EPHA4: variants seen among roughly 807,000 people sequenced by gnomAD.
The protein encoded by EPHA4 is ephrin type-A receptor 4.
A neutral mutation model predicts 108.3 loss-of-function variants in EPHA4; 19 were observed. The observed-to-expected ratio is 0.18, with a 90% CI of 0.12 to 0.26. EPHA4 has a LOEUF of 0.26. Ranked by LOEUF, EPHA4 falls within the 10% of genes least tolerant of loss-of-function variation. EPHA4 has a pLI of 1.00. For synonymous variants in EPHA4, 449 were observed against 455.5 expected (o/e 0.99, Z 0.18); for missense variants, 917 against 1,254.0 (o/e 0.73, Z 4.06).
chr2:221,539,812 G>A (rs1028340332), intron 3 of EPHA4, among the ~76,000 whole-genome samples: 1 of 152,184 alleles, frequency 6.6e-6, no homozygotes, highest in Non-Finnish European at 1.5e-5. Context: ...TACAATGAAG[G>A]CTGGAAGGGT....
In EPHA4 at chr2:221,548,362, C is replaced by CA. The variant is rs536224750; in HGVS notation, c.823+15368dup. Among the ~76,000 whole-genome samples, 1,247 of 137,318 alleles carry CA rather than the reference C, an allele frequency of 9.1e-3. 16 individuals carry two copies. Among genetic ancestry groups the CA allele is most frequent in the African/African-American group, 0.027 (995 of 37,404 alleles). The allele number at this position is 137,318 out of a possible 152,430, so 90.1% of individuals were successfully genotyped here. ...CTGGCGACAGAGCGAGAGTCCGTCT[C>CA]AAAAAAAAAAAAAGAGTCTGGGACG... On this transcript the variant is annotated intron_variant, in intron 3 of 17. Transcript: ENST00000281821.
At chr2:221,499,750 ATATATATTTTTTTTTT>A (rs1488399187) in intron 4 of EPHA4, among the ~76,000 whole-genome samples, 2 of 46,554 alleles carry the variant, frequency 4.3e-5, no homozygotes, top group African/African-American at 2.4e-4. Flanking sequence ...ATATATATAT[ATATATATTTTTTTTTT>A]TTTTTTTTGA....
rs544483024 is a variant in EPHA4 at position 221,425,584 on chromosome 2, A to T, written c.*444T>A. ...AAAGCCACAGCTGAGTCCTTAAAAA[A>T]TGTTCCTAGGCATGGTCTTCATTCC... On this transcript the variant is annotated 3_prime_UTR_variant, in exon 17 of 18. Coordinates refer to ENST00000281821, the MANE Select transcript of EPHA4 (RefSeq NM_004438.5). 179 of 156,984 alleles carry T rather than the reference A, an allele frequency of 1.1e-3. No homozygotes were observed. In the Middle Eastern group the frequency reaches 0.013, roughly 12 times the overall value. 9.7% of individuals were successfully genotyped at this position (156,984 alleles called of 1,614,324 possible). A position where few individuals can be genotyped will look rare whatever the true frequency, so the allele number is the denominator to read the frequency against.
intron 2 of EPHA4, among the ~76,000 whole-genome samples, chr2:221,564,887 C>CAAAAAAAAA (rs1233305564): frequency 1.4e-5 from 1 of 73,066 alleles, no homozygotes. Context: ...TCTAATACCT[C>CAAAAAAAAA]AAAAAAAAAA....
At chr2:221,541,126 T>G (rs1286661547) in intron 3 of EPHA4, among the ~76,000 whole-genome samples, 1 of 151,980 alleles carries the variant, frequency 6.6e-6, no homozygotes, top group Non-Finnish European at 1.5e-5. Context: ...ACTTTTTTAT[T>G]TGCTGTAGAG....
At chr2:221,461,296 T>A (rs1349694489) in intron 5 of EPHA4, among the ~76,000 whole-genome samples, 2 of 152,238 alleles carry the variant, frequency 1.3e-5, no homozygotes, top group African/African-American at 4.8e-5. Context: ...AAACAATGCC[T>A]AACCCAAATG....
At chr2:221,513,778 A>G (rs1346361626) in intron 3 of EPHA4, among the ~76,000 whole-genome samples, 3 of 152,218 alleles carry the variant, frequency 2.0e-5, no homozygotes, top group Admixed American at 1.3e-4. Context: ...TGGACTAATG[A>G]TTTTACACAA....
chr2:221,504,404 C>T (rs1467661294), intron 3 of EPHA4, among the ~76,000 whole-genome samples: 3 of 151,972 alleles, frequency 2.0e-5, no homozygotes, highest in African/African-American at 7.2e-5. Context: ...TTGGCTCACC[C>T]ACTACCATAA....
intron 2 of EPHA4, among the ~76,000 whole-genome samples, chr2:221,566,474 A>G (rs1168972091): frequency 6.6e-6 from 1 of 152,186 alleles, no homozygotes; most frequent in Non-Finnish European, 1.5e-5. Context: ...GTCCTCGTCA[A>G]TTATAAAATC....
At chr2:221,542,109 C>G (rs1033536652) in intron 3 of EPHA4, among the ~76,000 whole-genome samples, 1 of 152,042 alleles carries the variant, frequency 6.6e-6, no homozygotes, top group Non-Finnish European at 1.5e-5. Flanking sequence ...GTCTTCCAGA[C>G]CAGAGGCCAG....
intron 3 of EPHA4, among the ~76,000 whole-genome samples, chr2:221,552,198 C>T (rs1694183062): frequency 6.6e-6 from 1 of 152,190 alleles, no homozygotes; most frequent in African/African-American, 2.4e-5. Context: ...ATCAAACATT[C>T]TTCTCTAAGC....
intron 11 of EPHA4, among the ~76,000 whole-genome samples, chr2:221,441,858 C>A (rs1291984014): frequency 6.6e-6 from 1 of 152,142 alleles, no homozygotes; most frequent in Non-Finnish European, 1.5e-5. Flanking sequence ...AACTCCTGGG[C>A]TCAAGTGATC....
intron 7 of EPHA4, among the ~76,000 whole-genome samples, 196 bp from the exon 8 acceptor site, chr2:221,455,854 A>G (rs1690931194): frequency 6.6e-6 from 1 of 152,146 alleles, no homozygotes; most frequent in Non-Finnish European, 1.5e-5. Context: ...TGCCTAGTTC[A>G]AAAGCCACTT....
At chr2:221,486,757 A>AATG (rs1691986298) in intron 4 of EPHA4, among the ~76,000 whole-genome samples, 1 of 147,834 alleles carries the variant, frequency 6.8e-6, no homozygotes, top group Non-Finnish European at 1.5e-5. Context: ...TAATAATAAT[A>AATG]ATAATAATAA....
At chr2:221,524,276 C>T (rs1574633600) in intron 3 of EPHA4, among the ~76,000 whole-genome samples, 1 of 152,314 alleles carries the variant, frequency 6.6e-6, no homozygotes, top group Non-Finnish European at 1.5e-5. Context: ...TGCCTGAGCA[C>T]CCTTTAATGC....
At chr2:221,536,826 C>A (rs1693686337) in intron 3 of EPHA4, among the ~76,000 whole-genome samples, 1 of 152,200 alleles carries the variant, frequency 6.6e-6, no homozygotes, top group Non-Finnish European at 1.5e-5. Flanking sequence ...TGACTTTGGG[C>A]AAGCTGCTTA....
chr2:221,491,619 C>T lies in EPHA4; in HGVS notation c.980-8929G>A, dbSNP rs539942628. ...CAGTTCACCCCAGAGTTCAATTTCA[C>T]CTCACTTCCCTGCCCTTCATGATGA... On this transcript the variant is annotated intron_variant, in intron 4 of 17. Transcript: ENST00000281821. Among the ~76,000 whole-genome samples the T allele has an allele frequency of 1.6e-4, 25 of 152,230 alleles. No homozygotes were observed. In the East Asian group the frequency reaches 4.6e-3, roughly 28 times the overall value.
At chr2:221,536,141 T>C (rs942825663) in intron 3 of EPHA4, among the ~76,000 whole-genome samples, 3 of 152,194 alleles carry the variant, frequency 2.0e-5, no homozygotes, top group Non-Finnish European at 4.4e-5. Flanking sequence ...CACTTTATCT[T>C]ATCACTCATT....
At position 221,540,932 on chromosome 2, in the gene EPHA4, CTT is replaced by C. The variant is rs762353327; in HGVS notation, c.823+22797_823+22798del. Among the ~76,000 whole-genome samples, 782 of 120,584 alleles carry C rather than the reference CTT, an allele frequency of 6.5e-3. 10 individuals carry two copies. Among genetic ancestry groups the C allele is most frequent in the East Asian group, 0.012 (48 of 4,030 alleles). The allele number at this position is 120,584 out of a possible 152,430, so 79.1% of individuals were successfully genotyped here. A position where few individuals can be genotyped will look rare whatever the true frequency, so the allele number is the denominator to read the frequency against. ...TGTCCAAAATGTTGTGGAAAACTGT[CTT>C]TTTTTTTTTTTTTTTTTTGAGGGTA... On this transcript the variant is annotated intron_variant, in intron 3 of 17. Transcript: ENST00000281821.
Sources: allele counts gnomAD v4.1 joint callset (sites outside exome capture counted in the v4.1 genomes callset), GRCh38; gene constraint gnomAD v4.1.1; transcripts MANE v1.5; gene names NCBI Gene and HGNC (gene_info 2026-07-23, HGNC 2026-07-21).